Variants in TOX3 observed in about 807,000 individuals in gnomAD.
TOX3 encodes CAG trinucleotide repeat-containing gene F9 protein.
Under a neutral mutation model 64.3 loss-of-function variants are expected in TOX3, and 22 were observed. That is an observed-to-expected ratio of 0.34 (90% CI 0.24 to 0.49). The LOEUF (loss-of-function observed/expected upper bound fraction) is 0.49, where lower values mean the gene tolerates loss of function less well. Ranked by LOEUF, TOX3 falls within the 20% of genes least tolerant of loss-of-function variation. The probability of loss-of-function intolerance (pLI) is 0.99; values close to 1 mark genes in which losing one functional copy is unlikely to be tolerated. For synonymous variants in TOX3, 291 were observed against 273.6 expected (o/e 1.06, Z -0.63); for missense variants, 661 against 714.4 (o/e 0.93, Z 0.85).
chr16:52,523,781 A>G (rs1419465386), intron 1 of TOX3, among the ~76,000 whole-genome samples: 1 of 152,110 alleles, frequency 6.6e-6, no homozygotes, highest in African/African-American at 2.4e-5. Flanking sequence ...CTGAATTCCT[A>G]TTTTGAAATC....
chr16:52,546,765 G>T lies in TOX3; in HGVS notation c.-42C>A. 1 of 1,461,974 alleles carries T rather than the reference G, an allele frequency of 6.8e-7. No individual in the cohort carries two copies. The highest frequency in any genetic ancestry group is 2.3e-5 in the Admixed American group (1 of 44,014). The allele number at this position is 1,461,974 out of a possible 1,614,324, so 90.6% of individuals were successfully genotyped here. ...GGGCCGGGGGCCGGGACTGGGGTTCGCCGGGGCCGGGACCCGCCTCCTCGC... is the reference window on the plus strand; with the variant it reads ...GGGCCGGGGGCCGGGACTGGGGTTCTCCGGGGCCGGGACCCGCCTCCTCGC... On this transcript the variant is annotated 5_prime_UTR_variant, in exon 1 of 7. Coordinates refer to ENST00000219746, the MANE Select transcript of TOX3 (RefSeq NM_001080430.4).
chr16:52,439,104 C>A lies in TOX3; in HGVS notation c.*121G>T. On this transcript the variant is annotated 3_prime_UTR_variant, in exon 7 of 7. Coordinates refer to ENST00000219746, the MANE Select transcript of TOX3 (RefSeq NM_001080430.4). ...CCTATCTAATAGACACTTGAGAGGA[C>A]CGTTTGATCTGTTACACATTTCTGC... 1.4e-6 allele frequency: 2 copies of A among 1,416,322 alleles called. 1 individual carries two copies. The highest frequency in any genetic ancestry group is 1.9e-6 in the Non-Finnish European group (2 of 1,030,672). 87.7% of individuals were successfully genotyped at this position (1,416,322 alleles called of 1,614,324 possible).
upstream of TOX3, chr16:52,547,645 C>G (rs1963230649): frequency 6.6e-6 from 1 of 152,240 alleles, no homozygotes; most frequent in African/African-American, 2.4e-5. Flanking sequence ...CCTGCGTGGA[C>G]ACACCTAACC....
chr16:52,514,723 G>T (rs557489106), intron 1 of TOX3, among the ~76,000 whole-genome samples: 2 of 152,086 alleles, frequency 1.3e-5, no homozygotes, highest in South Asian at 4.1e-4. Flanking sequence ...ACTATAAAAG[G>T]ACCCAGGGCC....
At position 52,450,434 on chromosome 16, in the gene TOX3, A is replaced by G; in HGVS notation, c.521T>C (p.Leu174Pro). Reference sequence around the variant, plus strand: ...GAGCTGAGACTGGTTGATGGTGGTGAGCTGGGCAGGAGGCATGACCCCAGA... The same window carrying G: ...GAGCTGAGACTGGTTGATGGTGGTGGGCTGGGCAGGAGGCATGACCCCAGA... ...ARSGVMPPAQ[L>P]TTINQSQLSA... Residue 174 changes from leucine to proline, a missense_variant, in exon 4 of 7, where the codon CTC becomes CCC. Around this residue, in one of 3 missense-constraint regions of TOX3, gnomAD observed 259 missense variants for 261.2 expected, o/e 0.99. Transcript: ENST00000219746. 10 of 1,614,012 alleles carry G rather than the reference A, an allele frequency of 6.2e-6. No individual in the cohort carries two copies. The highest frequency in any genetic ancestry group is 8.5e-6 in the Non-Finnish European group (10 of 1,179,898).
intron 1 of TOX3, among the ~76,000 whole-genome samples, chr16:52,470,600 C>T (rs1315812874): frequency 1.3e-5 from 2 of 152,110 alleles, no homozygotes. Context: ...AGTTAGTATG[C>T]GAATGTAATT....
In TOX3 at chr16:52,500,288, T is replaced by C. The variant is rs528753773; in HGVS notation, c.88-31714A>G. 3.3e-5 allele frequency among the ~76,000 whole-genome samples: 5 copies of C among 152,192 alleles called. No individual in the cohort carries two copies. In the East Asian group the frequency reaches 9.7e-4, roughly 29 times the overall value. On this transcript the variant is annotated intron_variant, in intron 1 of 6. Coordinates refer to ENST00000219746, the MANE Select transcript of TOX3 (RefSeq NM_001080430.4). The stretch of plus-strand genomic sequence containing the variant: ...TATGATTGGAGCAAAAACCAAAGAG[T>C]ATGTAAATAAAACAGGTACAACCCA...
rs904868855 is a variant in TOX3 at position 52,444,494 on chromosome 16, C to T, written c.907-138G>A. 51 of 505,796 alleles carry T rather than the reference C, an allele frequency of 1.0e-4. 1 individual carries two copies. The highest frequency in any genetic ancestry group is 4.2e-4 in the Admixed American group (13 of 31,006). 31.3% of individuals were successfully genotyped at this position (505,796 alleles called of 1,614,324 possible). On this transcript the variant is annotated intron_variant, in intron 5 of 6. Transcript: ENST00000219746. ...CTTGGCTTTGATTTTTAAATGTTAG[C>T]GCATGCACACACACACACACACACA... is the stretch of plus-strand genomic sequence containing the variant.
At chr16:52,536,572 TTCTC>T (rs1412931807) in intron 1 of TOX3, among the ~76,000 whole-genome samples, 14 of 140,598 alleles carry the variant, frequency 1.0e-4, no homozygotes, top group Admixed American at 2.9e-4. Context: ...ATACATATTG[TTCTC>T]TCTCTCTCTC....
intron 1 of TOX3, among the ~76,000 whole-genome samples, chr16:52,528,647 T>C (rs1962780881): frequency 6.6e-6 from 1 of 152,160 alleles, no homozygotes; most frequent in South Asian, 2.1e-4. Context: ...GAGTCTAACC[T>C]TAGATAAGCA....
At chr16:52,535,817 A>G (rs1226205189) in intron 1 of TOX3, among the ~76,000 whole-genome samples, 2 of 152,172 alleles carry the variant, frequency 1.3e-5, no homozygotes, top group African/African-American at 4.8e-5. Flanking sequence ...CAGCTTCATA[A>G]TCATTGTTCT....
chr16:52,455,238 T>C (rs1596784654), intron 3 of TOX3, among the ~76,000 whole-genome samples: 1 of 152,192 alleles, frequency 6.6e-6, no homozygotes, highest in Non-Finnish European at 1.5e-5. Context: ...TTGGCGATAT[T>C]AGATAAGAGT....
At chr16:52,452,902 G>A (rs1960397850) in intron 3 of TOX3, among the ~76,000 whole-genome samples, 1 of 152,200 alleles carries the variant, frequency 6.6e-6, no homozygotes, top group East Asian at 1.9e-4. Context: ...TATATCACCG[G>A]CAGTGTTCTC....
chr16:52,439,836 T>C lies in TOX3; in HGVS notation c.1120A>G (p.Thr374Ala). The C allele has an allele frequency of 6.2e-7, 1 of 1,613,360 alleles. No homozygotes were observed. ...QHGTVSASPQ[T>A]LQQSLPRSIA... ...GACCTAGGGAGGGATTGCTGGAGAG[T>C]CTGAGGTGATGCTGACACTGTTCCA... Residue 374 changes from threonine to alanine, a missense_variant, in exon 7 of 7, where the codon ACT (threonine) becomes GCT (alanine). Physicochemically the swap from Thr to Ala is moderately conservative, Grantham distance 58. Coordinates refer to ENST00000219746, the MANE Select transcript of TOX3 (RefSeq NM_001080430.4).
intron 1 of TOX3, among the ~76,000 whole-genome samples, chr16:52,525,115 A>G (rs1391975068): frequency 1.3e-5 from 2 of 152,222 alleles, no homozygotes; most frequent in Non-Finnish European, 2.9e-5. Context: ...GTGTGTGCTG[A>G]TCACACTGCA....
chr16:52,513,443 A>T (rs1230924194), intron 1 of TOX3, among the ~76,000 whole-genome samples: 1 of 152,220 alleles, frequency 6.6e-6, no homozygotes, highest in Non-Finnish European at 1.5e-5. Context: ...ACAAGGGTAA[A>T]GGCATGAATT....
chr16:52,445,798 T>C (rs1960145186), intron 5 of TOX3, 196 bp downstream of exon 5: 2 of 587,926 alleles, frequency 3.4e-6, no homozygotes, highest in Non-Finnish European at 5.9e-6. Flanking sequence ...CATGCACCCA[T>C]AAGCTGACAG....
intron 1 of TOX3, among the ~76,000 whole-genome samples, chr16:52,529,872 T>C (rs45588731): frequency 4.7e-4 from 71 of 152,346 alleles, no homozygotes; most frequent in Non-Finnish European, 8.7e-4. Flanking sequence ...AAACTATTAC[T>C]CATAATCCTC....
chr16:52,472,389 T>G (rs1281181019), intron 1 of TOX3, among the ~76,000 whole-genome samples: 3 of 152,204 alleles, frequency 2.0e-5, no homozygotes, highest in Non-Finnish European at 4.4e-5. Context: ...TGGGAAGGCT[T>G]GTTCTAAGCC....
Sources: gnomAD v4.1 joint callset for allele counts (sites outside exome capture counted in the v4.1 genomes callset) on GRCh38, gnomAD v4.1.1 for gene constraint, gnomAD v4.1.1 regional missense constraint, MANE v1.5 for transcripts, NCBI Gene and HGNC (gene_info 2026-07-23, HGNC 2026-07-21) for gene names.